ECM1: variants seen among roughly 807,000 people sequenced by gnomAD.
The protein encoded by ECM1 is secretory component p85.
ECM1 carries 54 observed loss-of-function variants against 57.9 expected under a neutral mutation model. That is an observed-to-expected ratio of 0.93 (90% CI 0.75 to 1.17). ECM1 has a LOEUF of 1.17. Ranked by LOEUF, ECM1 falls within the 50% of genes most tolerant of loss-of-function variation. The probability of loss-of-function intolerance (pLI) is 0.00; values close to 1 mark genes in which losing one functional copy is unlikely to be tolerated. For missense variants in ECM1, 649 were observed against 688.1 expected (o/e 0.94, Z 0.64); for synonymous variants, 237 against 259.1 (o/e 0.91, Z 0.82).
chr1:150,509,592 G>C lies in ECM1; in HGVS notation c.121+11G>C, dbSNP rs370154669. ...AGCACTTTCAAGAAGGTAAGAGTTTGGGGGAGCAGCATGGGATTGGGACTC... is the reference window on the plus strand; with the variant it reads ...AGCACTTTCAAGAAGGTAAGAGTTTCGGGGAGCAGCATGGGATTGGGACTC... On this transcript the variant is annotated intron_variant, in intron 2 of 9. Transcript: ENST00000369047. 2 of 1,613,970 alleles carry C rather than the reference G, an allele frequency of 1.2e-6. No individual in the cohort carries two copies. The highest frequency in any genetic ancestry group is 1.3e-5 in the African/African-American group (1 of 74,894).
At chr1:150,513,012 C>T (rs1344541678) in intron 9 of ECM1, among the ~76,000 whole-genome samples, 200 bp downstream of exon 9, 2 of 152,174 alleles carry the variant, frequency 1.3e-5, no homozygotes, top group African/African-American at 4.8e-5. Context: ...CCTATTATGC[C>T]TTCTCCGGGC....
chr1:150,509,827 C>T, intron 3 of ECM1, 65 bp downstream of exon 3: 1 of 1,613,890 alleles, frequency 6.2e-7, no homozygotes. Context: ...CTATATCCCA[C>T]TTTTCAGGTG....
In ECM1 at chr1:150,511,136, G is replaced by A. The variant is rs1670428051; in HGVS notation, c.646G>A (p.Gly216Arg). The A allele has an allele frequency of 2.5e-6, 4 of 1,614,242 alleles. No homozygotes were observed. In the East Asian group the frequency reaches 8.9e-5, roughly 36 times the overall value. Reference sequence around the variant, plus strand: ...TGAGACCCTCAATTTCCTGGAGATTGGATATTCCCGCTGCTGCCACTGCCG... The same window carrying A: ...TGAGACCCTCAATTTCCTGGAGATTAGATATTCCCGCTGCTGCCACTGCCG... The part of the protein sequence containing the change: ...QGETLNFLEI[G>R]YSRCCHCRSH... The change falls in exon 6 of 10, where the codon GGA becomes AGA. Residue 216 changes from glycine (G) to arginine (R), a missense_variant. Transcript: ENST00000369047.
At chr1:150,512,314 A>G (rs759074585) in intron 7 of ECM1, 38 bp from the exon 8 acceptor site, 6 of 1,605,946 alleles carry the variant, frequency 3.7e-6, no homozygotes, top group East Asian at 2.2e-5. Context: ...GAAGGGGCCA[A>G]GTGTCCAGCT....
rs1362193112 is a variant in ECM1, at chr1:150,509,375, G to A, written c.71-156G>A. 7.7e-6 allele frequency: 6 copies of A among 778,182 alleles called. 1 individual carries two copies. Among genetic ancestry groups the A allele is most frequent in the South Asian group, 3.0e-5 (2 of 67,224 alleles). 48.2% of individuals were successfully genotyped at this position (778,182 alleles called of 1,614,324 possible). A position where few individuals can be genotyped will look rare whatever the true frequency, so the allele number is the denominator to read the frequency against. ...TCATGTCTAGGTGTGTTGGGGCTGG[G>A]AGAGGATTAGGGGACACGGGGCAGG... On this transcript the variant is annotated intron_variant, in intron 1 of 9. Coordinates refer to ENST00000369047, the MANE Select transcript of ECM1 (RefSeq NM_004425.4).
At position 150,511,051 on chromosome 1, in the gene ECM1, T is replaced by C. The variant is rs1468956684; in HGVS notation, c.561T>C (p.His187=). Residue 187 remains histidine (H), a synonymous_variant, in exon 6 of 10, where the codon CAT becomes CAC. Coordinates refer to ENST00000369047, the MANE Select transcript of ECM1 (RefSeq NM_004425.4). The part of the protein sequence containing the change: ...LNQICLPNRQ[H]VVYGPWNLPQ... ...AAATCTGCCTTCCTAACCGTCAGCA[T>C]GTGGTATATGGTCCCTGGAACCTAC... The C allele has an allele frequency of 1.2e-6, 2 of 1,614,218 alleles. No individual in the cohort carries two copies. The highest frequency in any genetic ancestry group is 8.5e-7 in the Non-Finnish European group (1 of 1,180,030).
At position 150,510,990 on chromosome 1, in the gene ECM1, T is replaced by TC. The variant is rs869025564; in HGVS notation, c.506dup (p.Gly170TrpfsTer15). 5 of 1,613,884 alleles carry TC rather than the reference T, an allele frequency of 3.1e-6. No individual in the cohort carries two copies. The highest frequency in any genetic ancestry group is 2.7e-5 in the African/African-American group (2 of 74,876). Reference sequence around the variant, plus strand: ...GGCTGGGGCCACCGGCTGGATGGCTTCCCCCCTGGGCGGCCTTCTCCAGAC... The same window carrying TC: ...GGCTGGGGCCACCGGCTGGATGGCTTCCCCCCCTGGGCGGCCTTCTCCAGAC... On this transcript the variant is annotated frameshift_variant, in exon 6 of 10. Transcript: ENST00000369047. LOFTEE classifies it high-confidence loss of function.
rs369508778 is a variant in ECM1, at chr1:150,511,490, G to T, written c.742G>T (p.Glu248Ter). The change falls in exon 7 of 10, where the codon GAG (glutamate) becomes TAG (stop). Residue 248 changes from glutamate (E) to a stop codon, truncating the protein, a stop_gained. Transcript: ENST00000369047. LOFTEE classifies it high-confidence loss of function. ...EEAMSRFCEAEFSVKTRPHWC... is the reference protein window; with the variant it reads ...EEAMSRFCEA Reference sequence around the variant, plus strand: ...AGCAATGAGCCGATTCTGTGAGGCCGAGTTCTCGGTCAAGACCCGACCCCA... The same window carrying T: ...AGCAATGAGCCGATTCTGTGAGGCCTAGTTCTCGGTCAAGACCCGACCCCA... 3.1e-6 allele frequency: 5 copies of T among 1,614,124 alleles called. No individual in the cohort carries two copies. In the South Asian group the frequency reaches 4.4e-5, roughly 14 times the overall value.
At chr1:150,510,444 T>C (rs1012583063) in intron 5 of ECM1, 7 of 588,148 alleles carry the variant, frequency 1.2e-5, no homozygotes, top group Non-Finnish European at 1.8e-5. Flanking sequence ...GCATGTAAAC[T>C]AGCCAGGCTT....
Position 150,512,811 on chromosome 1 carries a change from A to T in ECM1, c.1391A>T (p.Glu464Val). 6.2e-7 allele frequency: 1 copy of T among 1,613,840 alleles called. No individual in the cohort carries two copies. Among genetic ancestry groups the T allele is most frequent in the South Asian group, 1.1e-5 (1 of 91,076 alleles). ...FPEQACCAEE[E>V]KLTFINDLCG... is the part of the protein sequence containing the mutation. The stretch of plus-strand genomic sequence containing the variant: ...GAACAGGCCTGCTGTGCAGAGGAGG[A>T]GGTGAGTGTGTGGAGTCTAGTCTCC... The change falls in exon 9 of 10, where the codon GAG (glutamate) becomes GTG (valine). Residue 464 changes from glutamate to valine, a missense_variant and splice_region_variant. Physicochemically the swap from Glu to Val is moderately radical, Grantham distance 121. Coordinates refer to ENST00000369047, the MANE Select transcript of ECM1 (RefSeq NM_004425.4).
chr1:150,510,565 G>T (rs1433144021), intron 5 of ECM1: 1 of 554,934 alleles, frequency 1.8e-6, no homozygotes. Flanking sequence ...GCCGAGAGAG[G>T]GTGAGTGACA....
In ECM1 at chr1:150,509,515, C is replaced by T. The variant is rs1322775109; in HGVS notation, c.71-16C>T. The T allele has an allele frequency of 6.2e-7, 1 of 1,614,136 alleles. No individual in the cohort carries two copies. Among genetic ancestry groups the T allele is most frequent in the East Asian group, 2.2e-5 (1 of 44,888 alleles). ...GGCCCTCCCAGTGGCCCCTGACTTG[C>T]CCTTCTTCCCTCCAGGCTTCACGGC... On this transcript the variant is annotated splice_polypyrimidine_tract_variant and intron_variant, in intron 1 of 9. Transcript: ENST00000369047.
At chr1:150,511,902 A>G in intron 7 of ECM1, 71 bp downstream of exon 7, 1 of 1,523,550 alleles carries the variant, frequency 6.6e-7, no homozygotes. Flanking sequence ...TGATCCTGCC[A>G]GTCCATCCAT....
At chr1:150,510,593 CTCCTGCCTTAG>C in intron 5 of ECM1, 1 of 572,484 alleles carries the variant, frequency 1.7e-6, no homozygotes, top group Non-Finnish European at 3.1e-6. Context: ...TCTGTCCATC[CTCCTGCCTTAG>C]TGCTCAGGAC....
rs144580171 is a variant in ECM1 at position 150,511,016 on chromosome 1, A to C, written c.526A>C (p.Asn176His). Residue 176 changes from asparagine (N) to histidine (H), a missense_variant, in exon 6 of 10, where the codon AAT (asparagine) becomes CAT (histidine). Physicochemically the swap from Asn to His is moderately conservative, Grantham distance 68. Coordinates refer to ENST00000369047, the MANE Select transcript of ECM1 (RefSeq NM_004425.4). ...CCCCCCTGGGCGGCCTTCTCCAGAC[A>C]ATCTGAACCAAATCTGCCTTCCTAA... ...GFPPGRPSPD[N>H]LNQICLPNRQ... 214 of 1,614,028 alleles carry C rather than the reference A, an allele frequency of 1.3e-4. No homozygotes were observed. The highest frequency in any genetic ancestry group is 1.7e-4 in the Non-Finnish European group (200 of 1,180,020).
intron 1 of ECM1, among the ~76,000 whole-genome samples, chr1:150,508,625 G>T (rs1384492582): frequency 1.3e-5 from 2 of 152,064 alleles, no homozygotes; most frequent in African/African-American, 2.4e-5. Flanking sequence ...GGGCCCCCAG[G>T]CTGCTCAAAA....
rs774559289 is a variant in ECM1 at position 150,510,095 on chromosome 1, C to G, written c.305-7C>G. 6.2e-7 allele frequency: 1 copy of G among 1,614,082 alleles called. No homozygotes were observed. Among genetic ancestry groups the G allele is most frequent in the Admixed American group, 1.7e-5 (1 of 60,034 alleles). On this transcript the variant is annotated splice_polypyrimidine_tract_variant and splice_region_variant and intron_variant, in intron 4 of 9. Transcript: ENST00000369047. Reference sequence around the variant, plus strand: ...TGCTCCTTGGTGCCCTCACCCCTATCTTGCAGTGGGTCCCCCTCTCCCTCA... The same window carrying G: ...TGCTCCTTGGTGCCCTCACCCCTATGTTGCAGTGGGTCCCCCTCTCCCTCA...
Position 150,510,125 on chromosome 1 carries a change from G to T in ECM1, c.328G>T (p.Ala110Ser), listed in dbSNP as rs1246973346. 1.2e-6 allele frequency: 2 copies of T among 1,613,946 alleles called. No individual in the cohort carries two copies. The highest frequency in any genetic ancestry group is 3.3e-5 in the Admixed American group (2 of 59,992). The change falls in exon 5 of 10, where the codon GCT becomes TCT. Residue 110 changes from alanine to serine, a missense_variant. Coordinates refer to ENST00000369047, the MANE Select transcript of ECM1 (RefSeq NM_004425.4). ...AGTGGGTCCCCCTCTCCCTCAGGAA[G>T]CTGTCCCCCTCCAAAAAGAGCTGCC... ...KEVGPPLPQE[A>S]VPLQKELPSL... is the part of the protein sequence containing the mutation.
At chr1:150,512,847 AG>A (rs747388188) in intron 9 of ECM1, 35 bp downstream of exon 9, 7 of 1,603,504 alleles carry the variant, frequency 4.4e-6, no homozygotes, top group Non-Finnish European at 6.0e-6. Context: ...AGAGGAATGC[AG>A]GGGAGGGGAG....
Sources: allele counts gnomAD v4.1 joint callset (sites outside exome capture counted in the v4.1 genomes callset), GRCh38; gene constraint gnomAD v4.1.1; transcripts MANE v1.5; gene names NCBI Gene and HGNC (gene_info 2026-07-23, HGNC 2026-07-21).